Variants in COL4A6 observed in about 807,000 individuals in gnomAD.
COL4A6 encodes the protein collagen alpha-6(IV) chain.
Under a neutral mutation model 126.7 loss-of-function variants are expected in COL4A6, and 59 were observed. The ratio of observed to expected loss-of-function variants is 0.47; its 90% CI spans 0.38 to 0.58. COL4A6 has a LOEUF of 0.58. Ranked by LOEUF, COL4A6 falls within the 20% of genes least tolerant of loss-of-function variation. The pLI, the probability that COL4A6 is intolerant of heterozygous loss-of-function variation, is 0.00. For missense variants in COL4A6, 1,285 were observed against 1,337.3 expected (o/e 0.96, Z 0.61); for synonymous variants, 547 against 496.6 (o/e 1.10, Z -1.35).
intron 2 of COL4A6, among the ~76,000 whole-genome samples, chrX:108,361,983 C>T (rs1406648546): frequency 2.7e-5 from 3 of 111,282 alleles, no homozygotes; most frequent in African/African-American, 9.8e-5. Context: ...ATTCCTAGAT[C>T]TAACATTAAG....
intron 2 of COL4A6, among the ~76,000 whole-genome samples, chrX:108,409,634 G>A (rs1453012689): frequency 9.0e-6 from 1 of 111,480 alleles, no homozygotes. Flanking sequence ...AACAACTATG[G>A]CCAAGAGCAA....
chrX:108,394,166 A>G (rs990024002), intron 2 of COL4A6, among the ~76,000 whole-genome samples: 1 of 111,738 alleles, frequency 8.9e-6, no homozygotes, highest in Admixed American at 9.5e-5. Context: ...TCAGCAAACT[A>G]ACACAAGAAC....
intron 3 of COL4A6, among the ~76,000 whole-genome samples, chrX:108,305,454 G>T (rs1005086096): frequency 8.9e-6 from 1 of 111,844 alleles, no homozygotes; most frequent in Non-Finnish European, 1.9e-5. Flanking sequence ...GGATTTTATT[G>T]TGAAGTCCAT....
Position 108,190,465 on chromosome X carries a change from G to T in COL4A6, c.1353C>A (p.Asn451Lys). 1 of 1,202,303 alleles carries T rather than the reference G, an allele frequency of 8.3e-7. No homozygotes were observed. Among genetic ancestry groups the T allele is most frequent in the Admixed American group, 2.2e-5 (1 of 45,685 alleles). The change falls in exon 20 of 45, where the codon AAC (asparagine) becomes AAA (lysine). Residue 451 changes from asparagine to lysine, a missense_variant. Asn to Lys is a moderately conservative substitution (Grantham distance 94, BLOSUM62 0). Coordinates refer to ENST00000334504, the MANE Select transcript of COL4A6 (RefSeq NM_033641.4). The stretch of plus-strand genomic sequence containing the variant: ...GGAGACCAGGGAACCCTGACTCTTT[G>T]TTGTGTAGAGTTTCAGTCTCAAATT... Reference protein sequence around the residue: ...SPEFETETLHNKESGFPGLRG... With the variant: ...SPEFETETLHKKESGFPGLRG...
chrX:108,394,506 AG>A (rs1485266751), intron 2 of COL4A6, among the ~76,000 whole-genome samples: 1 of 111,904 alleles, frequency 8.9e-6, no homozygotes, highest in Non-Finnish European at 1.9e-5. Context: ...AAAAGATGGG[AG>A]GGGTATCTTT....
At chrX:108,327,410 TGTCAGCAGTCCCCAACCG>T (rs2039183499) in intron 2 of COL4A6, among the ~76,000 whole-genome samples, 1 of 86,584 alleles carries the variant, frequency 1.2e-5, no homozygotes, top group African/African-American at 4.4e-5. Context: ...ATATCTCATA[TGTCAGCAGTCCCCAACCG>T]GTCCTGGGGG....
chrX:108,198,437 T>TA (rs1166371754), intron 13 of COL4A6, among the ~76,000 whole-genome samples: 8 of 107,221 alleles, frequency 7.5e-5, no homozygotes, highest in Non-Finnish European at 1.4e-4. Flanking sequence ...AATAAATATG[T>TA]AAAAAAAAAT....
intron 3 of COL4A6, among the ~76,000 whole-genome samples, chrX:108,294,581 G>A (rs1273189664): frequency 9.0e-6 from 1 of 110,690 alleles, no homozygotes; most frequent in Non-Finnish European, 1.9e-5. Flanking sequence ...GAATGAAAAT[G>A]AAAATAGACC....
chrX:108,348,072 G>A (rs1052114284), intron 2 of COL4A6, among the ~76,000 whole-genome samples: 4 of 111,419 alleles, frequency 3.6e-5, no homozygotes, highest in African/African-American at 1.3e-4. Flanking sequence ...CACCATATCC[G>A]CACAGCTGCA....
Position 108,196,586 on chromosome X carries a change from GA to G in COL4A6, c.835-8del. 8.5e-7 allele frequency: 1 copy of G among 1,178,076 alleles called. No individual in the cohort carries two copies. ...CTCCAGTAGTTCCAAGGCCCTAAAT[GA>G]AAAAAGAAACCACAAGTTATAACGT... On this transcript the variant is annotated splice_polypyrimidine_tract_variant and splice_region_variant and intron_variant, in intron 13 of 44. Coordinates refer to ENST00000334504, the MANE Select transcript of COL4A6 (RefSeq NM_033641.4).
intron 3 of COL4A6, among the ~76,000 whole-genome samples, chrX:108,280,320 C>T (rs1301800060): frequency 9.0e-6 from 1 of 110,815 alleles, no homozygotes; most frequent in Non-Finnish European, 1.9e-5. Context: ...ATATCACCAC[C>T]GATCCCACAG....
intron 2 of COL4A6, among the ~76,000 whole-genome samples, chrX:108,436,210 T>C (rs965330907): frequency 2.7e-5 from 3 of 112,424 alleles, no homozygotes; most frequent in South Asian, 3.7e-4. Context: ...TAAAGTATTA[T>C]CTGTGGAACT....
intron 2 of COL4A6, among the ~76,000 whole-genome samples, chrX:108,311,690 T>A (rs1311129180): frequency 8.9e-6 from 1 of 112,160 alleles, no homozygotes; most frequent in Non-Finnish European, 1.9e-5. Context: ...AGTTCAATTG[T>A]CCATTCTCAG....
At chrX:108,427,884 A>G (rs945531004) in intron 2 of COL4A6, among the ~76,000 whole-genome samples, 2 of 112,094 alleles carry the variant, frequency 1.8e-5, no homozygotes, top group Admixed American at 9.4e-5. Flanking sequence ...CCTTAGATAA[A>G]TCAGTTAATC....
chrX:108,357,085 G>C lies in COL4A6; in HGVS notation c.64-46257C>G, dbSNP rs556882465. ...TTCTCTATTCCTTTTTAGCAGTTTG[G>C]TTTTTCTAGTATTACCTTCTCAACA... On this transcript the variant is annotated intron_variant, in intron 2 of 44. Transcript: ENST00000334504. Among the ~76,000 whole-genome samples, 50 of 111,358 alleles carry C rather than the reference G, an allele frequency of 4.5e-4. No homozygotes were observed. The South Asian group carries it at 0.019, about 43-fold the overall frequency.
At chrX:108,247,731 T>G (rs1354610956) in intron 3 of COL4A6, among the ~76,000 whole-genome samples, 4 of 111,702 alleles carry the variant, frequency 3.6e-5, no homozygotes, top group South Asian at 7.5e-4. Flanking sequence ...CCTATTAACT[T>G]GTTTCCCTGC....
chrX:108,293,928 C>T (rs767492206), intron 3 of COL4A6, among the ~76,000 whole-genome samples: 1 of 112,441 alleles, frequency 8.9e-6, no homozygotes, highest in South Asian at 3.7e-4. Context: ...TATCAAAACT[C>T]GCCTTGTGGG....
At chrX:108,395,278 CA>C (rs1355964351) in intron 2 of COL4A6, among the ~76,000 whole-genome samples, 1 of 111,768 alleles carries the variant, frequency 8.9e-6, no homozygotes, top group African/African-American at 3.3e-5. Context: ...ACCTCTGGAG[CA>C]TCAGATTCTG....
rs1458539155 is a variant in COL4A6, at chrX:108,221,230, C to T, written c.279+10G>A. On this transcript the variant is annotated intron_variant, in intron 4 of 44. Coordinates refer to ENST00000334504, the MANE Select transcript of COL4A6 (RefSeq NM_033641.4). ...TGCATCAAAGAGAAATCAAGCTTTG[C>T]TGGTCTTACCTTATCTCCTTTTGGT... 2 of 1,209,454 alleles carry T rather than the reference C, an allele frequency of 1.7e-6. No individual in the cohort carries two copies. The highest frequency in any genetic ancestry group is 3.5e-5 in the African/African-American group (2 of 57,277).
Sources: gnomAD v4.1 joint callset for allele counts (sites outside exome capture counted in the v4.1 genomes callset) on GRCh38, gnomAD v4.1.1 for gene constraint, MANE v1.5 for transcripts, NCBI Gene and HGNC (gene_info 2026-07-23, HGNC 2026-07-21) for gene names.